ELP4: variants seen among roughly 807,000 people sequenced by gnomAD.
The protein encoded by ELP4 is elongator acetyltransferase complex subunit 4, also known as elongator complex protein 4.
In ELP4, 51 loss-of-function variants were observed where a neutral mutation model predicts 48.9. The ratio of observed to expected loss-of-function variants is 1.04; its 90% CI spans 0.83 to 1.32. The LOEUF (loss-of-function observed/expected upper bound fraction) is 1.32. Among genes scored for constraint, ELP4 ranks in the 40% most tolerant of loss-of-function variants. ELP4 has a pLI of 0.00. For missense variants in ELP4, 519 were observed against 514.6 expected (o/e 1.01, Z -0.08); for synonymous variants, 210 against 189.2 (o/e 1.11, Z -0.90).
intron 5 of ELP4, among the ~76,000 whole-genome samples, chr11:31,606,358 T>C (rs1384738031): frequency 1.3e-5 from 2 of 152,144 alleles, no homozygotes; most frequent in Non-Finnish European, 2.9e-5. Flanking sequence ...GCCTTACAGT[T>C]ATCTATACTT....
chr11:31,612,580 A>T (rs1409262519), intron 5 of ELP4, among the ~76,000 whole-genome samples: 1 of 152,218 alleles, frequency 6.6e-6, no homozygotes, highest in Non-Finnish European at 1.5e-5. Flanking sequence ...TAGGCTGAAG[A>T]AAAACAACTG....
chr11:31,683,689 G>T (rs1222015454), intron 9 of ELP4, among the ~76,000 whole-genome samples: 1 of 151,964 alleles, frequency 6.6e-6, no homozygotes, highest in Non-Finnish European at 1.5e-5. Flanking sequence ...CTGTATAGGG[G>T]GTACTAGAGA....
chr11:31,603,947 A>G (rs753748291), intron 5 of ELP4, 40 bp downstream of exon 5: 43 of 1,572,506 alleles, frequency 2.7e-5, no homozygotes, highest in Non-Finnish European at 3.6e-5. Flanking sequence ...TCTGATTTCA[A>G]ATATTAGTAG....
At chr11:31,696,004 C>G (rs1189387279) in intron 9 of ELP4, among the ~76,000 whole-genome samples, 1 of 151,584 alleles carries the variant, frequency 6.6e-6, no homozygotes, top group Non-Finnish European at 1.5e-5. Flanking sequence ...CTGTGGCATT[C>G]GTGGTGATAT....
intron 3 of ELP4, among the ~76,000 whole-genome samples, chr11:31,585,890 G>T (rs1337065663): frequency 6.6e-6 from 1 of 152,010 alleles, no homozygotes; most frequent in East Asian, 1.9e-4. Flanking sequence ...TTCAAGACCA[G>T]CCTGGGCAAC....
At chr11:31,721,257 G>A (rs1420490610) in intron 9 of ELP4, among the ~76,000 whole-genome samples, 1 of 152,148 alleles carries the variant, frequency 6.6e-6, no homozygotes, top group Non-Finnish European at 1.5e-5. Flanking sequence ...CAAGGCTTTT[G>A]ACATGTCAGC....
At chr11:31,620,544 T>C (rs1456010877) in intron 5 of ELP4, among the ~76,000 whole-genome samples, 1 of 151,890 alleles carries the variant, frequency 6.6e-6, no homozygotes, top group African/African-American at 2.4e-5. Flanking sequence ...TCAACTTAAA[T>C]AGAATGGAGA....
At chr11:31,583,924 G>A (rs965742895) in intron 3 of ELP4, among the ~76,000 whole-genome samples, 19 of 151,994 alleles carry the variant, frequency 1.3e-4, no homozygotes, top group Admixed American at 5.9e-4. Flanking sequence ...TAACTTTTTC[G>A]TTCATTTAAT....
intron 1 of ELP4, chr11:31,510,564 G>T (rs1354037413): frequency 2.5e-6 from 1 of 396,268 alleles, no homozygotes; most frequent in Non-Finnish European, 4.4e-6. Flanking sequence ...TCCTTATAAA[G>T]TATTTTGAGC....
intron 9 of ELP4, among the ~76,000 whole-genome samples, chr11:31,735,349 A>G (rs924881384): frequency 1.3e-5 from 2 of 152,138 alleles, no homozygotes; most frequent in Non-Finnish European, 2.9e-5. Context: ...ACAGGTAACA[A>G]AAGCAAAAGT....
At chr11:31,739,653 G>C (rs1264725123) in intron 9 of ELP4, among the ~76,000 whole-genome samples, 1 of 152,080 alleles carries the variant, frequency 6.6e-6, no homozygotes, top group African/African-American at 2.4e-5. Context: ...TATTTTAAAA[G>C]TGTGAAATGC....
chr11:31,787,152 C>G lies in ELP4; in HGVS notation c.*3628C>G. The G allele has an allele frequency of 4.3e-6, 1 of 232,770 alleles. No homozygotes were observed. The highest frequency in any genetic ancestry group is 8.5e-6 in the Non-Finnish European group (1 of 117,754). The allele number at this position is 232,770 out of a possible 1,614,324, so 14.4% of individuals were successfully genotyped here. A position where few individuals can be genotyped will look rare whatever the true frequency, so the allele number is the denominator to read the frequency against. On this transcript the variant is annotated 3_prime_UTR_variant, in exon 10 of 10. Transcript: ENST00000640961. ...CTCTGTTTGGAAGGACAGCTCATGTCCCTAGGGTGTGGGCAGAAGGCAAGG... is the reference window on the plus strand; with the variant it reads ...CTCTGTTTGGAAGGACAGCTCATGTGCCTAGGGTGTGGGCAGAAGGCAAGG...
At chr11:31,560,487 A>G (rs1431346081) in intron 3 of ELP4, among the ~76,000 whole-genome samples, 1 of 151,706 alleles carries the variant, frequency 6.6e-6, no homozygotes, top group East Asian at 1.9e-4. Context: ...CTTGCCTAAT[A>G]TGAATTATCA....
chr11:31,739,884 A>T (rs746164952), intron 9 of ELP4, among the ~76,000 whole-genome samples: 4 of 152,178 alleles, frequency 2.6e-5, no homozygotes, highest in Non-Finnish European at 2.9e-5. Flanking sequence ...TTACCTATTT[A>T]TCAGAATATT....
chr11:31,655,139 A>C (rs1469486388), intron 9 of ELP4, among the ~76,000 whole-genome samples: 1 of 152,012 alleles, frequency 6.6e-6, no homozygotes, highest in Non-Finnish European at 1.5e-5. Context: ...ATTTTGATAT[A>C]TTCATTATAT....
At chr11:31,727,533 T>G (rs1947100231) in intron 9 of ELP4, among the ~76,000 whole-genome samples, 2 of 152,196 alleles carry the variant, frequency 1.3e-5, no homozygotes, top group African/African-American at 4.8e-5. Flanking sequence ...GAAGCTACTG[T>G]GTTCGCTTAC....
At chr11:31,754,839 TTCAGC>T (rs1947799136) in intron 9 of ELP4, among the ~76,000 whole-genome samples, 1 of 152,176 alleles carries the variant, frequency 6.6e-6, no homozygotes, top group South Asian at 2.1e-4. Flanking sequence ...GCCATTATAC[TTCAGC>T]CTGGGTGACA....
At chr11:31,634,078 A>G (rs1486097994) in intron 7 of ELP4, 2 of 152,076 alleles carry the variant, frequency 1.3e-5, no homozygotes, top group African/African-American at 2.4e-5. Context: ...CCAATATCCC[A>G]TATCTGTTGT....
chr11:31,509,913 C>A lies in ELP4; in HGVS notation c.129C>A (p.Gly43=). Reference sequence around the variant, plus strand: ...GAGCCAGCGTGACCAACGACAGCGGCCCTCGACTGGTGTCCATTGCGGGCA... The same window carrying A: ...GAGCCAGCGTGACCAACGACAGCGGACCTCGACTGGTGTCCATTGCGGGCA... ...GPRASVTNDS[G]PRLVSIAGTR... is the part of the protein sequence containing the mutation. Residue 43 remains glycine (G), a synonymous_variant, in exon 1 of 10, where the codon GGC becomes GGA. Coordinates refer to ENST00000640961, the MANE Select transcript of ELP4 (RefSeq NM_019040.5). The A allele has an allele frequency of 6.2e-7, 1 of 1,614,024 alleles. No individual in the cohort carries two copies. The highest frequency in any genetic ancestry group is 1.1e-5 in the South Asian group (1 of 91,082).
Sources: allele counts gnomAD v4.1 joint callset (sites outside exome capture counted in the v4.1 genomes callset), GRCh38; gene constraint gnomAD v4.1.1; transcripts MANE v1.5; gene names NCBI Gene and HGNC (gene_info 2026-07-23, HGNC 2026-07-21).